The following MTA1 variants were observed in gnomAD, a reference collection of about 807,000 sequenced individuals.
The protein encoded by MTA1 is metastasis-associated protein MTA1.
In MTA1, 15 loss-of-function variants were observed where a neutral mutation model predicts 97.0. The observed-to-expected ratio is 0.15, with a 90% CI of 0.10 to 0.24. The LOEUF is 0.24. Ranked by LOEUF, MTA1 falls within the 10% of genes least tolerant of loss-of-function variation. The pLI is 1.00. For missense variants in MTA1, 709 were observed against 1,015.1 expected (o/e 0.70, Z 4.10); for synonymous variants, 435 against 417.5 (o/e 1.04, Z -0.51).
intron 2 of MTA1, 79 bp from the exon 3 acceptor site, chr14:105,445,339 C>A: frequency 2.2e-6 from 3 of 1,354,584 alleles, no homozygotes; most frequent in Non-Finnish European, 3.1e-6. Context: ...CGGCAGGGTC[C>A]GGCCTTGGAG....
At chr14:105,444,508 G>T (rs782075905) in intron 2 of MTA1, among the ~76,000 whole-genome samples, 1 of 151,974 alleles carries the variant, frequency 6.6e-6, no homozygotes, top group Non-Finnish European at 1.5e-5. Flanking sequence ...AAAAAGTTAG[G>T]TGAGGCTGGG....
At chr14:105,450,990 T>G (rs2082906723) in intron 6 of MTA1, among the ~76,000 whole-genome samples, 1 of 152,160 alleles carries the variant, frequency 6.6e-6, no homozygotes. Context: ...CTGTCACAGT[T>G]GCGGGGCACA....
At chr14:105,458,854 CAGTT>C (rs2083251812) in intron 8 of MTA1, among the ~76,000 whole-genome samples, 1 of 152,216 alleles carries the variant, frequency 6.6e-6, no homozygotes, top group Non-Finnish European at 1.5e-5. Flanking sequence ...GGGATGCCCT[CAGTT>C]AGACGCACAC....
chr14:105,463,610 C>G lies in MTA1; in HGVS notation c.1076+59C>G. The G allele has an allele frequency of 1.3e-6, 2 of 1,555,254 alleles. No individual in the cohort carries two copies. The highest frequency in any genetic ancestry group is 1.4e-5 in the African/African-American group (1 of 73,780). On this transcript the variant is annotated intron_variant, in intron 12 of 20. Transcript: ENST00000331320. This position sits in a 1 kb window ranked among gnomAD's most constrained non-coding sequence, Gnocchi z 5.9. ...CCCCGGGGGCCAGGGAGGGTGGGCACAGGGTGCTGGGGCCAGGCGGGTCCC... is the reference window on the plus strand; with the variant it reads ...CCCCGGGGGCCAGGGAGGGTGGGCAGAGGGTGCTGGGGCCAGGCGGGTCCC...
chr14:105,464,370 T>C lies in MTA1; in HGVS notation c.1193-46T>C. 3 of 1,604,648 alleles carry C rather than the reference T, an allele frequency of 1.9e-6. No homozygotes were observed. In the African/African-American group the frequency reaches 4.0e-5, roughly 21 times the overall value. Reference sequence around the variant, plus strand: ...GTGGCGGGGAATACTCTGACATCGCTGGTTCTGCTTAAGAATCCGTCTATT... The same window carrying C: ...GTGGCGGGGAATACTCTGACATCGCCGGTTCTGCTTAAGAATCCGTCTATT... On this transcript the variant is annotated intron_variant, in intron 13 of 20. Transcript: ENST00000331320.
intron 1 of MTA1, among the ~76,000 whole-genome samples, chr14:105,437,846 G>C (rs1854175939): frequency 6.6e-6 from 1 of 152,214 alleles, no homozygotes; most frequent in Non-Finnish European, 1.5e-5. Context: ...AGGAGGCCTG[G>C]AGCATCGGGG....
chr14:105,445,301 T>TA, intron 2 of MTA1, 117 bp from the exon 3 acceptor site: 2 of 814,864 alleles, frequency 2.5e-6, no homozygotes, highest in Non-Finnish European at 4.0e-6. Context: ...TCCCGAGGGG[T>TA]GGTGTGGTTA....
In MTA1 at chr14:105,464,559, A is replaced by G. The variant is rs781897795; in HGVS notation, c.1336A>G (p.Ser446Gly). The change falls in exon 14 of 21, where the codon AGT becomes GGT. Residue 446 changes from serine to glycine, a missense_variant. Transcript: ENST00000331320. The stretch of plus-strand genomic sequence containing the variant: ...TGGAGAGAGGCCAGGACCAAACCGC[A>G]GTAACATGGTAAGGGGGGGGACACC... ...LDGERPGPNR[S>G]NMSPHGLPAR... 1 of 1,612,820 alleles carries G rather than the reference A, an allele frequency of 6.2e-7. No homozygotes were observed. Among genetic ancestry groups the G allele is most frequent in the Non-Finnish European group, 8.5e-7 (1 of 1,179,882 alleles).
chr14:105,434,950 CTG>C (rs1245588914), intron 1 of MTA1, among the ~76,000 whole-genome samples: 1 of 152,190 alleles, frequency 6.6e-6, no homozygotes, highest in African/African-American at 2.4e-5. Context: ...CATATCCAGT[CTG>C]TGTGCCTTTC....
At chr14:105,433,897 G>A (rs781941902) in intron 1 of MTA1, among the ~76,000 whole-genome samples, 15 of 151,986 alleles carry the variant, frequency 9.9e-5, no homozygotes, top group African/African-American at 3.4e-4. Context: ...GCACAATCTC[G>A]GCTCACTGCA....
In MTA1 at chr14:105,464,811, C is replaced by T. The variant is rs148954433; in HGVS notation, c.1482C>T (p.His494=). The T allele has an allele frequency of 3.4e-5, 54 of 1,602,292 alleles. No individual in the cohort carries two copies. Among genetic ancestry groups the T allele is most frequent in the East Asian group, 4.5e-5 (2 of 44,610 alleles). The stretch of plus-strand genomic sequence containing the variant: ...GCCGTGAGATCCTGCGCCCGTGGCA[C>T]GCTGCGCGGCACCCCTACCTGCCCA... ...RLCREILRPW[H]AARHPYLPIN... is the part of the protein sequence containing the mutation. The change falls in exon 15 of 21, where the codon CAC becomes CAT. Residue 494 remains histidine (H), a synonymous_variant. Coordinates refer to ENST00000331320, the MANE Select transcript of MTA1 (RefSeq NM_004689.4).
chr14:105,434,185 G>A (rs1313036876), intron 1 of MTA1, among the ~76,000 whole-genome samples: 1 of 152,120 alleles, frequency 6.6e-6, no homozygotes, highest in Non-Finnish European at 1.5e-5. Context: ...TAATATCCTT[G>A]GTGTGGCCTC....
chr14:105,449,607 C>A (rs1323758736), intron 4 of MTA1, among the ~76,000 whole-genome samples, 198 bp downstream of exon 4: 1 of 152,192 alleles, frequency 6.6e-6, no homozygotes, highest in African/African-American at 2.4e-5. Context: ...CTGAGGGTGA[C>A]CTGCTGGTGT....
chr14:105,462,433 G>T (rs1272936099), intron 10 of MTA1, among the ~76,000 whole-genome samples: 13 of 151,966 alleles, frequency 8.6e-5, no homozygotes, highest in African/African-American at 2.9e-4. Context: ...GTCGGGCATG[G>T]TGGCAGGCTC....
rs781881033 is a variant in MTA1 at position 105,469,151 on chromosome 14, G to T, written c.1814-316G>T. 7 of 584,718 alleles carry T rather than the reference G, an allele frequency of 1.2e-5. No individual in the cohort carries two copies. The Admixed American group carries it at 1.3e-4, about 11-fold the overall frequency. The allele number at this position is 584,718 out of a possible 1,614,324, so 36.2% of individuals were successfully genotyped here. On this transcript the variant is annotated intron_variant, in intron 18 of 20. Coordinates refer to ENST00000331320, the MANE Select transcript of MTA1 (RefSeq NM_004689.4). ...AGCCTTGCGAGGCTTTGCTTGTCTCGGCACGGCAGGCAAGTGGGTGGACAG... is the reference window on the plus strand; with the variant it reads ...AGCCTTGCGAGGCTTTGCTTGTCTCTGCACGGCAGGCAAGTGGGTGGACAG...
rs782388114 is a variant in MTA1 at position 105,464,577 on chromosome 14, G to C, written c.1344+10G>C. On this transcript the variant is annotated intron_variant, in intron 14 of 20. Coordinates refer to ENST00000331320, the MANE Select transcript of MTA1 (RefSeq NM_004689.4). ...AAACCGCAGTAACATGGTAAGGGGG[G>C]GGACACCCGCCCTGCCTGCCATGAG... 3.7e-6 allele frequency: 6 copies of C among 1,612,580 alleles called. No homozygotes were observed. The South Asian group carries it at 6.6e-5, about 18-fold the overall frequency.
At position 105,469,880 on chromosome 14, in the gene MTA1, C is replaced by G; in HGVS notation, c.1885C>G (p.Pro629Ala). 3 of 1,610,762 alleles carry G rather than the reference C, an allele frequency of 1.9e-6. No homozygotes were observed. The highest frequency in any genetic ancestry group is 2.5e-6 in the Non-Finnish European group (3 of 1,179,108). ...RNLLLNGKSY[P>A]TKVRLIRGGS... ...CCTCCTGCTCAACGGGAAGTCCTACCCCACCAAAGTGCGCCTGATCCGGGG... is the reference window on the plus strand; with the variant it reads ...CCTCCTGCTCAACGGGAAGTCCTACGCCACCAAAGTGCGCCTGATCCGGGG... Residue 629 changes from proline to alanine, a missense_variant, in exon 20 of 21, where the codon CCC (proline) becomes GCC (alanine). Pro to Ala is a conservative substitution (Grantham distance 27). Around this residue, in one of 2 missense-constraint regions of MTA1, gnomAD observed 388 missense variants for 421.6 expected, o/e 0.92. Transcript: ENST00000331320.
At chr14:105,455,439 G>A (rs587612279) in intron 7 of MTA1, among the ~76,000 whole-genome samples, 5 of 152,346 alleles carry the variant, frequency 3.3e-5, no homozygotes, top group African/African-American at 7.2e-5. Flanking sequence ...TCATCTCCCC[G>A]CTGGGCAAGG....
intron 15 of MTA1, 51 bp from the exon 16 acceptor site, chr14:105,465,043 C>T (rs983627131): frequency 7.5e-6 from 11 of 1,462,026 alleles, no homozygotes; most frequent in South Asian, 1.3e-5. Context: ...AGGCAGGGTC[C>T]CGTGCTCCCC....
Sources: gnomAD v4.1 joint callset for allele counts (sites outside exome capture counted in the v4.1 genomes callset) on GRCh38, gnomAD v4.1.1 for gene constraint, gnomAD v4.1.1 regional missense constraint, Gnocchi (gnomAD v3.1) non-coding constraint, MANE v1.5 for transcripts, NCBI Gene and HGNC (gene_info 2026-07-23, HGNC 2026-07-21) for gene names.